Variants in DPP10 observed in about 807,000 individuals in gnomAD.
DPP10 encodes inactive dipeptidyl peptidase 10.
A neutral mutation model predicts 120.9 loss-of-function variants in DPP10; 33 were observed. The observed-to-expected ratio is 0.27, with a 90% CI of 0.21 to 0.37. DPP10 has a LOEUF of 0.37. DPP10 is among the 10% of genes least tolerant of loss of function. DPP10 has a pLI of 1.00. For synonymous variants in DPP10, 337 were observed against 326.1 expected (o/e 1.03, Z -0.36); for missense variants, 816 against 942.8 (o/e 0.87, Z 1.76).
intron 1 of DPP10, among the ~76,000 whole-genome samples, chr2:114,502,472 A>G (rs1683284008): frequency 1.3e-5 from 2 of 152,252 alleles, no homozygotes; most frequent in Non-Finnish European, 2.9e-5. Flanking sequence ...TAAAATTTAA[A>G]AAATCATACT....
chr2:115,106,684 G>C (rs1573636095), intron 1 of DPP10, among the ~76,000 whole-genome samples: 2 of 152,040 alleles, frequency 1.3e-5, no homozygotes, highest in African/African-American at 4.8e-5. Flanking sequence ...GTCTGATCTA[G>C]TCCTGAGCTC....
At chr2:115,484,793 A>T (rs2075665689) in intron 3 of DPP10, among the ~76,000 whole-genome samples, 1 of 152,210 alleles carries the variant, frequency 6.6e-6, no homozygotes, top group African/African-American at 2.4e-5. Flanking sequence ...TCATTCAGGC[A>T]GGAGTTTCTG....
chr2:115,824,485 C>A (rs929739572), intron 21 of DPP10, among the ~76,000 whole-genome samples: 2 of 152,020 alleles, frequency 1.3e-5, no homozygotes, highest in African/African-American at 4.8e-5. Context: ...CCCCACCCCC[C>A]AACAGGCACC....
chr2:115,449,356 CAT>C (rs2072909555), intron 3 of DPP10, among the ~76,000 whole-genome samples: 1 of 151,902 alleles, frequency 6.6e-6, no homozygotes, highest in Non-Finnish European at 1.5e-5. Flanking sequence ...ATCAGAGAAA[CAT>C]ATGCTAAGGG....
At chr2:115,835,147 G>A (rs943733860) in intron 21 of DPP10, among the ~76,000 whole-genome samples, 3 of 150,476 alleles carry the variant, frequency 2.0e-5, no homozygotes, top group Admixed American at 6.6e-5. Flanking sequence ...AAAAAAAAAA[G>A]CAAGAGAAAA....
At chr2:115,536,554 G>T (rs896268921) in intron 5 of DPP10, among the ~76,000 whole-genome samples, 4 of 151,922 alleles carry the variant, frequency 2.6e-5, no homozygotes, top group Admixed American at 6.6e-5. Flanking sequence ...ATTAATTAGT[G>T]TTCTTGATGC....
At chr2:115,646,467 G>A (rs973469274) in intron 5 of DPP10, among the ~76,000 whole-genome samples, 9 of 152,106 alleles carry the variant, frequency 5.9e-5, no homozygotes, top group Admixed American at 4.6e-4. Context: ...ATCTAATACT[G>A]TAAGTCCCAC....
At chr2:114,952,300 A>G (rs1306312412) in intron 1 of DPP10, among the ~76,000 whole-genome samples, 1 of 152,232 alleles carries the variant, frequency 6.6e-6, no homozygotes, top group Non-Finnish European at 1.5e-5. Context: ...CATAAAATGT[A>G]TACACACGAA....
intron 1 of DPP10, among the ~76,000 whole-genome samples, chr2:115,048,648 C>T (rs898665892): frequency 3.3e-5 from 5 of 152,028 alleles, no homozygotes; most frequent in African/African-American, 1.2e-4. Flanking sequence ...TCATCACTCT[C>T]AATGTCTTGT....
intron 1 of DPP10, among the ~76,000 whole-genome samples, chr2:115,214,392 A>G (rs1047548659): frequency 3.3e-5 from 5 of 152,206 alleles, no homozygotes; most frequent in Non-Finnish European, 7.3e-5. Flanking sequence ...TCTAAGCATT[A>G]GGTTCTGATA....
intron 1 of DPP10, among the ~76,000 whole-genome samples, chr2:115,172,820 T>A (rs534497935): frequency 6.6e-6 from 1 of 152,342 alleles, no homozygotes; most frequent in South Asian, 2.1e-4. Context: ...ATGTTGGATG[T>A]TGAAGTTCCC....
At chr2:115,785,604 T>A (rs945715065) in intron 17 of DPP10, among the ~76,000 whole-genome samples, 1 of 152,156 alleles carries the variant, frequency 6.6e-6, no homozygotes, top group African/African-American at 2.4e-5. Context: ...TTCTTGTACG[T>A]TTTTTAGTTT....
chr2:115,723,365 C>A (rs1005822692), intron 7 of DPP10, among the ~76,000 whole-genome samples: 4 of 152,090 alleles, frequency 2.6e-5, no homozygotes, highest in Non-Finnish European at 5.9e-5. Flanking sequence ...TGTCACTTGA[C>A]GATATCTCAG....
intron 1 of DPP10, among the ~76,000 whole-genome samples, chr2:114,897,107 G>T (rs1435394411): frequency 1.3e-5 from 2 of 152,240 alleles, no homozygotes; most frequent in Middle Eastern, 3.4e-3. Flanking sequence ...TGGTGGATAA[G>T]CTTTTTGATG....
chr2:115,087,819 G>T (rs2104536951), intron 1 of DPP10, among the ~76,000 whole-genome samples: 1 of 152,178 alleles, frequency 6.6e-6, no homozygotes, highest in East Asian at 1.9e-4. Flanking sequence ...CTCCCAAAGT[G>T]CTGGGATTAC....
At chr2:114,822,633 A>G (rs1198682921) in intron 1 of DPP10, among the ~76,000 whole-genome samples, 2 of 151,822 alleles carry the variant, frequency 1.3e-5, no homozygotes, top group Non-Finnish European at 2.9e-5. Context: ...TAATGCTTTA[A>G]GTTCTAGGGT....
chr2:114,744,918 C>T (rs1163813459), intron 1 of DPP10, among the ~76,000 whole-genome samples: 2 of 152,140 alleles, frequency 1.3e-5, no homozygotes, highest in African/African-American at 2.4e-5. Context: ...CCCATTACCA[C>T]GTCTGGCCAA....
intron 2 of DPP10, among the ~76,000 whole-genome samples, chr2:115,342,578 C>T (rs896385004): frequency 2.0e-5 from 3 of 152,096 alleles, no homozygotes; most frequent in Non-Finnish European, 2.9e-5. Flanking sequence ...AGATATGTCT[C>T]CTATCCTTTA....
chr2:115,671,743 C>A (rs1162793010), intron 5 of DPP10, among the ~76,000 whole-genome samples: 1 of 152,026 alleles, frequency 6.6e-6, no homozygotes, highest in Admixed American at 6.6e-5. Flanking sequence ...CCGATGCCTA[C>A]AAAACACCAA....
Sources: gnomAD v4.1 joint callset for allele counts (sites outside exome capture counted in the v4.1 genomes callset) on GRCh38, gnomAD v4.1.1 for gene constraint, MANE v1.5 for transcripts, NCBI Gene and HGNC (gene_info 2026-07-23, HGNC 2026-07-21) for gene names.